Variants in RANBP2 observed in about 807,000 individuals in gnomAD.
RANBP2 encodes RAN binding protein 2, also known as E3 SUMO-protein ligase RanBP2.
RANBP2 carries 57 observed loss-of-function variants against 303.6 expected under a neutral mutation model. The observed-to-expected ratio is 0.19, with a 90% confidence interval of 0.15 to 0.23. RANBP2 has a LOEUF of 0.23. RANBP2 is among the 10% of genes least tolerant of loss of function. RANBP2 has a pLI of 1.00. For missense variants in RANBP2, 3,138 were observed against 3,780.8 expected, an observed-to-expected ratio of 0.83 and a Z score of 4.46; for synonymous variants, 1,167 against 1,301.5, an observed-to-expected ratio of 0.90 and a Z score of 2.23.
the RANBP2 span, among the ~76,000 whole-genome samples, chr2:109,158,647 G>T: frequency 6.6e-6 from 1 of 152,218 alleles, no homozygotes; most frequent in Non-Finnish European, 1.5e-5. Context: ...TCTAAGTCGT[G>T]AGAGCATCCC....
At chr2:109,303,535 G>A in the RANBP2 span, among the ~76,000 whole-genome samples, 1 of 152,202 alleles carries the variant, frequency 6.6e-6, no homozygotes, top group Non-Finnish European at 1.5e-5. Context: ...GCAATGGTCT[G>A]TTTCCTTCTG....
At chr2:109,701,655 C>A in the RANBP2 span, among the ~76,000 whole-genome samples, 1 of 152,136 alleles carries the variant, frequency 6.6e-6, no homozygotes, top group Non-Finnish European at 1.5e-5. Flanking sequence ...GGGATGACTT[C>A]TAGAGTTCTG....
At chr2:109,449,019 C>T in the RANBP2 span, 2 of 887,708 alleles carry the variant, frequency 2.3e-6, no homozygotes, top group Non-Finnish European at 3.3e-6. Flanking sequence ...GTTTCTCCAT[C>T]TGTGAAGAGG....
At chr2:109,180,229 A>T in the RANBP2 span, among the ~76,000 whole-genome samples, 1 of 151,198 alleles carries the variant, frequency 6.6e-6, no homozygotes, top group Non-Finnish European at 1.5e-5. Flanking sequence ...GGTATTCCCC[A>T]CTAGTCAGGG....
the RANBP2 span, among the ~76,000 whole-genome samples, chr2:109,279,839 T>G: frequency 6.6e-6 from 1 of 151,090 alleles, no homozygotes; most frequent in Non-Finnish European, 1.5e-5. Flanking sequence ...TGGGGGCTGG[T>G]GGGGCCTGCC....
chr2:109,766,570 T>C, the RANBP2 span, among the ~76,000 whole-genome samples: 478 of 150,640 alleles, frequency 3.2e-3, 10 homozygotes, highest in Non-Finnish European at 5.4e-3. Context: ...AGATTCTCTT[T>C]TGTGAAAATG....
At chr2:108,873,143 C>T in the RANBP2 span, among the ~76,000 whole-genome samples, 1 of 152,036 alleles carries the variant, frequency 6.6e-6, no homozygotes, top group Admixed American at 6.6e-5. Flanking sequence ...TTAAACTGAA[C>T]TTATTGTTAC....
the RANBP2 span, among the ~76,000 whole-genome samples, chr2:109,147,231 G>A: frequency 5.3e-5 from 8 of 152,112 alleles, no homozygotes; most frequent in African/African-American, 1.7e-4. Flanking sequence ...ACAGCTGTCC[G>A]CTGCTGCTGA....
the RANBP2 span, among the ~76,000 whole-genome samples, chr2:109,315,202 C>G: frequency 6.6e-6 from 1 of 152,214 alleles, no homozygotes; most frequent in Admixed American, 6.5e-5. Flanking sequence ...TCCCCCTTGT[C>G]AAGTGTGAGT....
At chr2:108,998,900 G>A in the RANBP2 span, among the ~76,000 whole-genome samples, 16 of 152,310 alleles carry the variant, frequency 1.1e-4, no homozygotes, top group East Asian at 2.5e-3. Context: ...CTGGGCCCGT[G>A]CCTCCTCCAC....
the RANBP2 span, among the ~76,000 whole-genome samples, chr2:109,709,189 C>G: frequency 3.3e-5 from 5 of 151,180 alleles, no homozygotes; most frequent in African/African-American, 1.2e-4. Context: ...GCCTGTAATT[C>G]CAGCTACTCG....
At chr2:109,611,355 T>C in the RANBP2 span, among the ~76,000 whole-genome samples, 1 of 152,044 alleles carries the variant, frequency 6.6e-6, no homozygotes, top group African/African-American at 2.4e-5. Context: ...TGAAAACTTT[T>C]GCTTTGCAAA....
chr2:108,893,163 T>C, the RANBP2 span, among the ~76,000 whole-genome samples: 1 of 152,170 alleles, frequency 6.6e-6, no homozygotes, highest in African/African-American at 2.4e-5. Context: ...AAACTGGGAT[T>C]CTCATATTAC....
chr2:109,645,302 G>T, the RANBP2 span, among the ~76,000 whole-genome samples: 1 of 152,338 alleles, frequency 6.6e-6, no homozygotes, highest in South Asian at 2.1e-4. Flanking sequence ...CGTAAATTCA[G>T]CAACCTTAAT....
chr2:109,185,643 C>T, the RANBP2 span, among the ~76,000 whole-genome samples: 2 of 152,090 alleles, frequency 1.3e-5, no homozygotes, highest in Admixed American at 6.6e-5. Flanking sequence ...ACAGGACAGC[C>T]CTCAGACACT....
At chr2:109,334,379 C>G in the RANBP2 span, among the ~76,000 whole-genome samples, 4 of 115,880 alleles carry the variant, frequency 3.5e-5, no homozygotes, top group Non-Finnish European at 6.9e-5. Flanking sequence ...AAAAAAAAAT[C>G]TTAAAAAAAA....
At chr2:109,373,410 T>C in the RANBP2 span, among the ~76,000 whole-genome samples, 4 of 152,178 alleles carry the variant, frequency 2.6e-5, no homozygotes, top group African/African-American at 9.7e-5. Flanking sequence ...CACTCAAGTG[T>C]CCATCAACAG....
the RANBP2 span, among the ~76,000 whole-genome samples, chr2:109,719,657 G>A: frequency 2.0e-5 from 3 of 151,876 alleles, no homozygotes; most frequent in Non-Finnish European, 2.9e-5. Flanking sequence ...CGCTAGCCTC[G>A]GCCTCCCAAA....
the RANBP2 span, among the ~76,000 whole-genome samples, chr2:109,361,944 G>C: frequency 6.6e-6 from 1 of 151,900 alleles, no homozygotes; most frequent in Non-Finnish European, 1.5e-5. Context: ...CCTGATATTA[G>C]TACTTTGTGT....
Sources: allele counts gnomAD v4.1 joint callset (sites outside exome capture counted in the v4.1 genomes callset), GRCh38; gene constraint gnomAD v4.1.1; transcripts MANE v1.5; gene names NCBI Gene and HGNC (gene_info 2026-07-23, HGNC 2026-07-21).